NPFFR2: variants seen among roughly 807,000 people sequenced by gnomAD.
NPFFR2 encodes G-protein coupled receptor 74.
A neutral mutation model predicts 13.1 loss-of-function variants in NPFFR2; 15 were observed. The observed-to-expected ratio is 1.15, with a 90% CI of 0.77 to 1.76. The LOEUF (loss-of-function observed/expected upper bound fraction) is 1.76. Among genes scored for constraint, NPFFR2 ranks in the 40% most tolerant of loss-of-function variants. The pLI, the probability that NPFFR2 is intolerant of heterozygous loss-of-function variation, is 0.00. For missense variants in NPFFR2, 572 were observed against 503.5 expected, an observed-to-expected ratio of 1.14 and a Z score of -1.30; for synonymous variants, 190 against 175.7, an observed-to-expected ratio of 1.08 and a Z score of -0.65.
At chr4:72,077,226 C>T (rs1176741011) in intron 1 of NPFFR2, among the ~76,000 whole-genome samples, 3 of 152,058 alleles carry the variant, frequency 2.0e-5, no homozygotes, top group African/African-American at 7.2e-5. Flanking sequence ...TAATGTAACC[C>T]TGTACATTAC....
chr4:72,106,911 T>G (rs1372848004), intron 1 of NPFFR2, among the ~76,000 whole-genome samples: 1 of 152,008 alleles, frequency 6.6e-6, no homozygotes, highest in South Asian at 2.1e-4. Context: ...ACTTAAAAGG[T>G]TAGCAGCATA....
intron 1 of NPFFR2, among the ~76,000 whole-genome samples, chr4:72,093,139 A>C (rs898830783): frequency 5.6e-4 from 85 of 152,282 alleles, no homozygotes; most frequent in African/African-American, 2.0e-3. Context: ...GTTTTGTTTA[A>C]GGGGGCTAAA....
intron 1 of NPFFR2, among the ~76,000 whole-genome samples, chr4:72,069,361 G>A (rs537051738): frequency 4.6e-5 from 7 of 152,028 alleles, no homozygotes; most frequent in African/African-American, 7.2e-5. Context: ...GTACAATCAC[G>A]TTCTAAAAAG....
chr4:72,037,032 G>T (rs1327611343), intron 1 of NPFFR2, among the ~76,000 whole-genome samples: 1 of 152,078 alleles, frequency 6.6e-6, no homozygotes, highest in Middle Eastern at 3.4e-3. Context: ...TACTTGCAGC[G>T]TTCAGGATTT....
At chr4:72,098,770 C>T (rs1175142024) in intron 1 of NPFFR2, among the ~76,000 whole-genome samples, 3 of 152,108 alleles carry the variant, frequency 2.0e-5, no homozygotes, top group Non-Finnish European at 2.9e-5. Context: ...TCTTTGCCTC[C>T]AAGAAATGGA....
At chr4:72,064,619 A>T (rs561704887) in intron 1 of NPFFR2, among the ~76,000 whole-genome samples, 72 of 152,302 alleles carry the variant, frequency 4.7e-4, no homozygotes, top group African/African-American at 1.6e-3. Flanking sequence ...AGTAGGAGGG[A>T]GGGATCATTG....
rs143297203 is a variant in NPFFR2 at position 72,140,718 on chromosome 4, C to T, written c.428+2579C>T. On this transcript the variant is annotated intron_variant, in intron 3 of 3. Transcript: ENST00000308744. The stretch of plus-strand genomic sequence containing the variant: ...TCATCAGGGATATTGGTCTAAAATT[C>T]TCTTTTTTTTGGGGGGTGTCTCTAC... Among the ~76,000 whole-genome samples the T allele has an allele frequency of 3.7e-3, 564 of 151,716 alleles. 6 individuals carry two copies. The highest frequency in any genetic ancestry group is 0.013 in the African/African-American group (547 of 41,362).
At chr4:72,088,420 A>T (rs1036852028) in intron 1 of NPFFR2, among the ~76,000 whole-genome samples, 1 of 152,066 alleles carries the variant, frequency 6.6e-6, no homozygotes. Flanking sequence ...AAAGTAAGTA[A>T]TATAGCTTAC....
rs373215390 is a variant in NPFFR2, at chr4:72,134,245, C to CAG, written c.329-3785_329-3784dup. ...TGCCACTGCACTCCAGCCTGGGTGA[C>CAG]AGAGAGAGAGACTGTCTCCAAAAAT... is the stretch of plus-strand genomic sequence containing the variant. On this transcript the variant is annotated intron_variant, in intron 2 of 3. Coordinates refer to ENST00000308744, the MANE Select transcript of NPFFR2 (RefSeq NM_004885.3). 3.0e-3 allele frequency among the ~76,000 whole-genome samples: 460 copies of CAG among 152,252 alleles called. 2 individuals are homozygous for CAG. The highest frequency in any genetic ancestry group is 0.011 in the African/African-American group (443 of 41,544).
chr4:72,042,199 T>C (rs1719240859), intron 1 of NPFFR2, among the ~76,000 whole-genome samples: 1 of 152,128 alleles, frequency 6.6e-6, no homozygotes, highest in Non-Finnish European at 1.5e-5. Flanking sequence ...TTTTCCCCCT[T>C]TTGCTTGGCA....
chr4:72,099,188 G>C (rs140535982), intron 1 of NPFFR2, among the ~76,000 whole-genome samples: 429 of 152,196 alleles, frequency 2.8e-3, no homozygotes, highest in Non-Finnish European at 5.4e-3. Context: ...ACAATCACAT[G>C]CATCTTAGCA....
intron 1 of NPFFR2, among the ~76,000 whole-genome samples, chr4:72,043,182 A>G (rs1361513649): frequency 6.6e-6 from 1 of 152,134 alleles, no homozygotes; most frequent in South Asian, 2.1e-4. Context: ...AGAATTGAGG[A>G]TTGGGAACCT....
At chr4:72,146,887 G>A (rs1722796238) in intron 3 of NPFFR2, 91 bp from the exon 4 acceptor site, 1 of 817,460 alleles carries the variant, frequency 1.2e-6, no homozygotes, top group Non-Finnish European at 2.0e-6. Context: ...ACTGTAGGGT[G>A]AGAGGCCTGT....
chr4:72,064,556 G>T (rs1720012161), intron 1 of NPFFR2, among the ~76,000 whole-genome samples: 1 of 152,164 alleles, frequency 6.6e-6, no homozygotes, highest in Admixed American at 6.5e-5. Flanking sequence ...CAAGTTACTA[G>T]ATCCAACCCA....
chr4:72,115,056 G>C (rs2109822534), intron 1 of NPFFR2, among the ~76,000 whole-genome samples: 1 of 152,190 alleles, frequency 6.6e-6, no homozygotes. Context: ...CCATTATTAA[G>C]ATGTTATCAT....
chr4:72,141,206 AC>A (rs1274544350), intron 3 of NPFFR2, among the ~76,000 whole-genome samples: 39 of 151,902 alleles, frequency 2.6e-4, no homozygotes, highest in African/African-American at 7.5e-4. Context: ...TTAAAAAAAA[AC>A]CAGCTCCTGG....
intron 1 of NPFFR2, among the ~76,000 whole-genome samples, chr4:72,034,217 G>T (rs1578413056): frequency 6.6e-6 from 1 of 152,236 alleles, no homozygotes; most frequent in Non-Finnish European, 1.5e-5. Flanking sequence ...AACACATCTG[G>T]ATTAGTCTAT....
intron 1 of NPFFR2, among the ~76,000 whole-genome samples, chr4:72,067,427 C>A (rs1167261491): frequency 6.6e-6 from 1 of 152,132 alleles, no homozygotes; most frequent in Non-Finnish European, 1.5e-5. Context: ...TCTAAAATGC[C>A]TTCAGTGTCG....
chr4:72,070,262 A>G (rs1441757200), intron 1 of NPFFR2, among the ~76,000 whole-genome samples: 2 of 152,188 alleles, frequency 1.3e-5, no homozygotes, highest in Non-Finnish European at 2.9e-5. Context: ...TAGTTTTTAT[A>G]GAGTAACCCA....
Sources: allele counts gnomAD v4.1 joint callset (sites outside exome capture counted in the v4.1 genomes callset), GRCh38; gene constraint gnomAD v4.1.1; transcripts MANE v1.5; gene names NCBI Gene and HGNC (gene_info 2026-07-23, HGNC 2026-07-21).